DDX6: variants seen among roughly 807,000 people sequenced by gnomAD.
DDX6 encodes probable ATP-dependent RNA helicase DDX6.
A neutral mutation model predicts 60.6 loss-of-function variants in DDX6; 7 were observed. That is an observed-to-expected ratio of 0.12 (90% CI 0.07 to 0.22). The LOEUF (loss-of-function observed/expected upper bound fraction) is 0.22. Among genes scored for constraint, DDX6 ranks in the 10% least tolerant of loss-of-function variants. The pLI is 1.00. For missense variants in DDX6, 270 were observed against 589.9 expected (o/e 0.46, Z 5.62); for synonymous variants, 207 against 201.0 (o/e 1.03, Z -0.25).
intron 2 of DDX6, among the ~76,000 whole-genome samples, chr11:118,781,752 A>AC (rs1555164758): frequency 6.6e-6 from 1 of 151,558 alleles, no homozygotes; most frequent in African/African-American, 2.4e-5. Context: ...ATATGGTGAA[A>AC]CCCCACCTCT....
intron 13 of DDX6, among the ~76,000 whole-genome samples, chr11:118,754,249 G>A (rs1374908470): frequency 6.6e-6 from 1 of 152,160 alleles, no homozygotes; most frequent in African/African-American, 2.4e-5. Flanking sequence ...AGGCAACAAA[G>A]CAAGACCTTG....
At chr11:118,790,603 C>T (rs1862239860) in intron 1 of DDX6, among the ~76,000 whole-genome samples, 1 of 152,140 alleles carries the variant, frequency 6.6e-6, no homozygotes, top group Non-Finnish European at 1.5e-5. Flanking sequence ...TTGCCGCCCC[C>T]TTCGGCCTCA....
At chr11:118,757,393 A>G (rs1409075948) in intron 9 of DDX6, 106 bp from the exon 10 acceptor site, 1 of 555,956 alleles carries the variant, frequency 1.8e-6, no homozygotes, top group African/African-American at 1.9e-5. Flanking sequence ...AACATGGTCT[A>G]AAACTTAGAA....
In DDX6 at chr11:118,751,616, G is replaced by C. The variant is rs1476413731; in HGVS notation, c.*489C>G. Reference sequence around the variant, plus strand: ...TTGATTCCTCGGGCTGTGTCTAAAAGATGATATTCTGAATGGTCTCATAGC... The same window carrying C: ...TTGATTCCTCGGGCTGTGTCTAAAACATGATATTCTGAATGGTCTCATAGC... On this transcript the variant is annotated 3_prime_UTR_variant, in exon 14 of 14. Coordinates refer to ENST00000534980, the MANE Select transcript of DDX6 (RefSeq NM_004397.6). The C allele has an allele frequency of 6.4e-6, 1 of 156,774 alleles. No homozygotes were observed. Among genetic ancestry groups the C allele is most frequent in the Non-Finnish European group, 1.4e-5 (1 of 70,416 alleles). 9.7% of individuals were successfully genotyped at this position (156,774 alleles called of 1,614,324 possible). A position where few individuals can be genotyped will look rare whatever the true frequency, so the allele number is the denominator to read the frequency against.
At chr11:118,758,481 C>G (rs571723538) in intron 9 of DDX6, among the ~76,000 whole-genome samples, 1 of 152,274 alleles carries the variant, frequency 6.6e-6, no homozygotes, top group East Asian at 1.9e-4. Flanking sequence ...TCAAGCAATT[C>G]TCCTGCCTCG....
At position 118,749,667 on chromosome 11, in the gene DDX6, G is replaced by A. The variant is rs1860686454; in HGVS notation, c.*2438C>T. 1 of 152,660 alleles carries A rather than the reference G, an allele frequency of 6.6e-6. No homozygotes were observed. The highest frequency in any genetic ancestry group is 2.1e-4 in the South Asian group (1 of 4,832). 9.5% of individuals were successfully genotyped at this position (152,660 alleles called of 1,614,324 possible). ...CCCACACGTTCTCTAGCGAGATACA[G>A]AATTGCATTTATACTCTTTTCTTCT... On this transcript the variant is annotated 3_prime_UTR_variant, in exon 14 of 14. Transcript: ENST00000534980.
rs1210557733 is a variant in DDX6, at chr11:118,749,333, T to A, written c.*2772A>T. 7.4e-6 allele frequency: 1 copy of A among 134,916 alleles called. No homozygotes were observed. The highest frequency in any genetic ancestry group is 2.8e-5 in the African/African-American group (1 of 35,954). 8.4% of individuals were successfully genotyped at this position (134,916 alleles called of 1,614,324 possible). A position where few individuals can be genotyped will look rare whatever the true frequency, so the allele number is the denominator to read the frequency against. ...AAACAACTTCCAATAGTAACAATGC[T>A]TATTATGAGGGCCCAAAAAAGAAAG... On this transcript the variant is annotated 3_prime_UTR_variant, in exon 14 of 14. Coordinates refer to ENST00000534980, the MANE Select transcript of DDX6 (RefSeq NM_004397.6).
chr11:118,754,550 T>G (rs1245764425), intron 13 of DDX6, 155 bp downstream of exon 13: 2 of 614,736 alleles, frequency 3.3e-6, no homozygotes, highest in African/African-American at 3.8e-5. Context: ...GACTACAACC[T>G]CCCACAAGAG....
At chr11:118,768,036 T>C (rs1390123622) in intron 5 of DDX6, 187 bp downstream of exon 5, 4 of 568,350 alleles carry the variant, frequency 7.0e-6, no homozygotes, top group Non-Finnish European at 1.2e-5. Context: ...ACTAGAAATC[T>C]CTAAAAAGCT....
At chr11:118,752,226 T>C (rs1860799042) in intron 13 of DDX6, 129 bp from the exon 14 acceptor site, 1 of 156,376 alleles carries the variant, frequency 6.4e-6, no homozygotes, top group Non-Finnish European at 1.4e-5. Flanking sequence ...TACTATAGAA[T>C]CTACTGGTTA....
At chr11:118,777,782 G>C (rs1478216479) in intron 4 of DDX6, among the ~76,000 whole-genome samples, 1 of 151,666 alleles carries the variant, frequency 6.6e-6, no homozygotes. Context: ...CCAGCTACTG[G>C]GGAGGCTGAG....
chr11:118,780,585 G>A (rs1208393958), intron 3 of DDX6, among the ~76,000 whole-genome samples: 2 of 152,180 alleles, frequency 1.3e-5, no homozygotes, highest in Non-Finnish European at 2.9e-5. Flanking sequence ...CCAAAGTGCT[G>A]GGAATACAGG....
At chr11:118,783,928 C>A (rs1362495246) in intron 2 of DDX6, among the ~76,000 whole-genome samples, 1 of 150,804 alleles carries the variant, frequency 6.6e-6, no homozygotes, top group Admixed American at 6.6e-5. Context: ...CCAGCCTGGG[C>A]AACATGACAA....
chr11:118,763,156 AT>A (rs1861232256), intron 7 of DDX6, 55 bp downstream of exon 7: 1 of 1,233,826 alleles, frequency 8.1e-7, no homozygotes, highest in Non-Finnish European at 1.1e-6. Context: ...ACTGGCAGTT[AT>A]AAGCAAAGCA....
intron 4 of DDX6, among the ~76,000 whole-genome samples, chr11:118,777,557 G>T (rs912417714): frequency 2.7e-4 from 41 of 152,092 alleles, no homozygotes; most frequent in African/African-American, 9.9e-4. Context: ...TGCTGGGCCA[G>T]GATAGGTATA....
At chr11:118,777,870 CAG>C (rs1399949855) in intron 4 of DDX6, among the ~76,000 whole-genome samples, 3 of 121,846 alleles carry the variant, frequency 2.5e-5, no homozygotes, top group Non-Finnish European at 4.8e-5. Context: ...GCCTCTCTGA[CAG>C]AGCTAGACTC....
chr11:118,778,189 C>A lies in DDX6; in HGVS notation c.369+1443G>T, dbSNP rs567358844. Among the ~76,000 whole-genome samples the A allele has an allele frequency of 7.2e-5, 11 of 152,124 alleles. No homozygotes were observed. In the South Asian group the frequency reaches 2.3e-3, roughly 32 times the overall value. On this transcript the variant is annotated intron_variant, in intron 4 of 13. Transcript: ENST00000534980. ...CCATCAGAGCAGAGATGAGATCAAG[C>A]AAGAATCACCAATGGGTGCTAAAAC...
intron 5 of DDX6, among the ~76,000 whole-genome samples, chr11:118,766,599 CTTCT>C (rs1861362332): frequency 6.6e-6 from 1 of 152,082 alleles, no homozygotes; most frequent in Admixed American, 6.6e-5. Context: ...AACTCTTCCT[CTTCT>C]TTTTTTTGAG....
intron 7 of DDX6, among the ~76,000 whole-genome samples, chr11:118,761,861 G>GAAAAAAAAAAAAAA (rs11296874): frequency 7.5e-6 from 1 of 134,022 alleles, no homozygotes; most frequent in Non-Finnish European, 1.6e-5. Flanking sequence ...AAATTAAATG[G>GAAAAAAAAAAAAAA]AAAAAAAAAA....
Sources: allele counts gnomAD v4.1 joint callset (sites outside exome capture counted in the v4.1 genomes callset), GRCh38; gene constraint gnomAD v4.1.1; transcripts MANE v1.5; gene names NCBI Gene and HGNC (gene_info 2026-07-23, HGNC 2026-07-21).